The following NCEH1 variants were observed in gnomAD, a reference collection of about 807,000 sequenced individuals.
The protein encoded by NCEH1 is 2-acetyl MAGE hydrolase.
NCEH1 carries 9 observed loss-of-function variants against 25.4 expected under a neutral mutation model. The observed-to-expected ratio is 0.35, with a 90% CI of 0.21 to 0.62. The LOEUF (loss-of-function observed/expected upper bound fraction) is 0.62. NCEH1 is among the 20% of genes least tolerant of loss of function. The pLI, the probability that NCEH1 is intolerant of heterozygous loss-of-function variation, is 0.72. For synonymous variants in NCEH1, 200 were observed against 199.8 expected (o/e 1.00, Z -0.01); for missense variants, 412 against 501.1 (o/e 0.82, Z 1.70).
chr3:172,635,949 A>T lies in NCEH1; in HGVS notation c.576T>A (p.Ala192=), dbSNP rs1286215685. ...PGRICISGDS[A]GGNLAAALGQ... ...CAAGGGCAGCAGCCAGATTTCCACC[A>T]GCACTGTCACCAGAAATGCAAATTC... The change falls in exon 4 of 5, where the codon GCT becomes GCA. Residue 192 remains alanine, a synonymous_variant. Coordinates refer to ENST00000475381, the MANE Select transcript of NCEH1 (RefSeq NM_020792.6). 6.2e-7 allele frequency: 1 copy of T among 1,614,098 alleles called. No homozygotes were observed. The highest frequency in any genetic ancestry group is 8.5e-7 in the Non-Finnish European group (1 of 1,180,040).
intron 1 of NCEH1, among the ~76,000 whole-genome samples, chr3:172,701,153 G>C (rs899506677): frequency 2.0e-5 from 3 of 152,154 alleles, no homozygotes; most frequent in African/African-American, 7.2e-5. Flanking sequence ...CTCTGGATCT[G>C]TATATGCAGC....
chr3:172,634,393 A>T (rs533366767), intron 4 of NCEH1, among the ~76,000 whole-genome samples: 9 of 152,322 alleles, frequency 5.9e-5, no homozygotes, highest in Middle Eastern at 3.4e-3. Flanking sequence ...TTATGAATGG[A>T]TAATGTGTGA....
chr3:172,694,148 C>T (rs900969300), intron 1 of NCEH1, among the ~76,000 whole-genome samples: 1 of 152,154 alleles, frequency 6.6e-6, no homozygotes, highest in Non-Finnish European at 1.5e-5. Context: ...CCTGCCTCAT[C>T]CTCCCCAAGC....
chr3:172,646,613 A>AT (rs1717133084), intron 2 of NCEH1, among the ~76,000 whole-genome samples: 1 of 152,108 alleles, frequency 6.6e-6, no homozygotes, highest in African/African-American at 2.4e-5. Context: ...ACATTTCCTT[A>AT]TTTATAGGGT....
chr3:172,683,501 T>C (rs1009513310), intron 1 of NCEH1, among the ~76,000 whole-genome samples: 13 of 151,188 alleles, frequency 8.6e-5, no homozygotes, highest in Admixed American at 6.6e-5. Flanking sequence ...GAGACCTCTG[T>C]CTCTACAAAA....
At chr3:172,660,383 C>T (rs1717918465) in intron 1 of NCEH1, among the ~76,000 whole-genome samples, 1 of 152,100 alleles carries the variant, frequency 6.6e-6, no homozygotes, top group Admixed American at 6.5e-5. Flanking sequence ...CATTGATGGA[C>T]ATTTGGGTTG....
chr3:172,692,408 G>A (rs1713114682), intron 1 of NCEH1, among the ~76,000 whole-genome samples: 1 of 152,108 alleles, frequency 6.6e-6, no homozygotes, highest in Admixed American at 6.5e-5. Context: ...CCAAGCTAGA[G>A]GGCTGTGGCA....
chr3:172,663,272 T>C (rs1718050787), intron 1 of NCEH1, among the ~76,000 whole-genome samples: 1 of 152,240 alleles, frequency 6.6e-6, no homozygotes, highest in Non-Finnish European at 1.5e-5. Flanking sequence ...TGAGTAGTTT[T>C]GAGTGAGTTT....
At chr3:172,657,443 C>A (rs1461615720) in intron 1 of NCEH1, among the ~76,000 whole-genome samples, 2 of 152,170 alleles carry the variant, frequency 1.3e-5, no homozygotes, top group African/African-American at 4.8e-5. Context: ...AGCTTCTTCT[C>A]TCACATGATT....
At position 172,631,247 on chromosome 3, in the gene NCEH1, A is replaced by G. The variant is rs1009635382; in HGVS notation, c.*2228T>C. 6.6e-6 allele frequency: 1 copy of G among 152,204 alleles called. No homozygotes were observed. Among genetic ancestry groups the G allele is most frequent in the African/African-American group, 2.4e-5 (1 of 41,462 alleles). 9.4% of individuals were successfully genotyped at this position (152,204 alleles called of 1,614,324 possible). A position where few individuals can be genotyped will look rare whatever the true frequency, so the allele number is the denominator to read the frequency against. On this transcript the variant is annotated 3_prime_UTR_variant, in exon 5 of 5. Transcript: ENST00000475381. ...AATGCCAATTGAAGGAACCCTGCCT[A>G]TACATTTTATTTTCTTTTTCTTCGA...
Position 172,684,238 on chromosome 3 carries a change from T to TC in NCEH1, c.138+26608dup, listed in dbSNP as rs199813140. 9.3e-3 allele frequency among the ~76,000 whole-genome samples: 1,413 copies of TC among 152,320 alleles called. 31 individuals are homozygous for TC. The highest frequency in any genetic ancestry group is 0.033 in the African/African-American group (1,352 of 41,576). The stretch of plus-strand genomic sequence containing the variant: ...ACAATGAATATGGAATAAAGGAATG[T>TC]CCGTAATCACTTTTAAAAATATACA... On this transcript the variant is annotated intron_variant, in intron 1 of 4. Coordinates refer to ENST00000475381, the MANE Select transcript of NCEH1 (RefSeq NM_020792.6).
intron 1 of NCEH1, among the ~76,000 whole-genome samples, chr3:172,653,760 G>GTTTTT (rs780425751): frequency 7.4e-5 from 4 of 54,414 alleles, no homozygotes; most frequent in African/African-American, 1.6e-4. Flanking sequence ...TTGTTTTTTT[G>GTTTTT]TTTTTTTTTT....
At chr3:172,647,657 A>G (rs1717182411) in intron 2 of NCEH1, among the ~76,000 whole-genome samples, 1 of 152,160 alleles carries the variant, frequency 6.6e-6, no homozygotes, top group South Asian at 2.1e-4. Context: ...CAAGCAAAAA[A>G]CCTTTACAAA....
At chr3:172,653,745 T>TTGTTGC (rs1717537064) in intron 1 of NCEH1, among the ~76,000 whole-genome samples, 3 of 68,242 alleles carry the variant, frequency 4.4e-5, no homozygotes, top group African/African-American at 2.5e-4. Context: ...GTTTTTTTTG[T>TTGTTGC]TTTTTTGTTT....
intron 3 of NCEH1, among the ~76,000 whole-genome samples, chr3:172,640,202 GGA>G (rs377082904): frequency 1.7e-3 from 253 of 152,280 alleles, no homozygotes; most frequent in African/African-American, 5.9e-3. Context: ...AGATTCAGCA[GGA>G]GAGAGGATAA....
intron 1 of NCEH1, among the ~76,000 whole-genome samples, chr3:172,685,695 T>C (rs607772): frequency 0.011 from 1,657 of 152,320 alleles, 16 homozygotes; most frequent in Middle Eastern, 0.027. Context: ...ACTTTATACT[T>C]ATTTTGTTTT....
chr3:172,640,220 A>C (rs2108490832), intron 3 of NCEH1, among the ~76,000 whole-genome samples: 1 of 152,148 alleles, frequency 6.6e-6, no homozygotes, highest in South Asian at 2.1e-4. Flanking sequence ...GATAAGCCTC[A>C]CTCCTTTTCC....
intron 3 of NCEH1, 21 bp downstream of exon 3, chr3:172,645,602 T>C: frequency 6.6e-7 from 1 of 1,509,712 alleles, no homozygotes; most frequent in Non-Finnish European, 9.1e-7. Context: ...AAATTTTCTA[T>C]GACTAGCATT....
At chr3:172,708,662 C>G (rs55755924) in intron 1 of NCEH1, among the ~76,000 whole-genome samples, 24,490 of 152,220 alleles carry the variant, frequency 0.16, 2,409 homozygotes, top group Non-Finnish European at 0.22. Context: ...GGCCATGACA[C>G]CAGGTAATTT....
Sources: gnomAD v4.1 joint callset for allele counts (sites outside exome capture counted in the v4.1 genomes callset) on GRCh38, gnomAD v4.1.1 for gene constraint, MANE v1.5 for transcripts, NCBI Gene and HGNC (gene_info 2026-07-23, HGNC 2026-07-21) for gene names.